The following NUDT3 variants were observed in gnomAD, a reference collection of about 807,000 sequenced individuals.
NUDT3 encodes the protein nudix hydrolase 3.
A neutral mutation model predicts 23.6 loss-of-function variants in NUDT3; 9 were observed. The ratio of observed to expected loss-of-function variants is 0.38; its 90% CI spans 0.23 to 0.66. The LOEUF is 0.66. NUDT3 is among the 30% of genes least tolerant of loss of function. The probability of loss-of-function intolerance (pLI) is 0.52; values close to 1 mark genes in which losing one functional copy is unlikely to be tolerated. For missense variants in NUDT3, 172 were observed against 218.5 expected, an observed-to-expected ratio of 0.79 and a Z score of 1.34; for synonymous variants, 86 against 82.6, an observed-to-expected ratio of 1.04 and a Z score of -0.22.
At chr6:34,348,310 A>C (rs1764411629) in intron 1 of NUDT3, among the ~76,000 whole-genome samples, 1 of 148,562 alleles carries the variant, frequency 6.7e-6, no homozygotes, top group Non-Finnish European at 1.5e-5. Flanking sequence ...CAACAACAGA[A>C]ACCGCCCCCC....
At chr6:34,300,201 G>A (rs1763579065) in intron 2 of NUDT3, among the ~76,000 whole-genome samples, 1 of 152,150 alleles carries the variant, frequency 6.6e-6, no homozygotes, top group Non-Finnish European at 1.5e-5. Flanking sequence ...CACTAATGTG[G>A]GTGATGGCCC....
chr6:34,283,096 C>T lies in NUDT3; in HGVS notation c.*5657G>A, dbSNP rs981427046. The T allele has an allele frequency of 1.3e-5, 2 of 152,082 alleles. No homozygotes were observed. Among genetic ancestry groups the T allele is most frequent in the Non-Finnish European group, 2.9e-5 (2 of 68,040 alleles). 9.4% of individuals were successfully genotyped at this position (152,082 alleles called of 1,614,324 possible). On this transcript the variant is annotated 3_prime_UTR_variant, in exon 5 of 5. Coordinates refer to ENST00000607016, the MANE Select transcript of NUDT3 (RefSeq NM_006703.4). ...CAAAGCTTCAGGGAAGAGACATAAC[C>T]TTACTTCAAAAGCTTCAGGTCAGAG...
chr6:34,340,470 T>G (rs1581875957), intron 2 of NUDT3, among the ~76,000 whole-genome samples: 1 of 152,342 alleles, frequency 6.6e-6, no homozygotes, highest in Middle Eastern at 3.4e-3. Context: ...CCAGGGTGTT[T>G]AAAGTTATTT....
chr6:34,295,114 T>A (rs916492914), intron 3 of NUDT3, among the ~76,000 whole-genome samples: 2 of 152,122 alleles, frequency 1.3e-5, no homozygotes, highest in African/African-American at 4.8e-5. Flanking sequence ...AGGAATGGGG[T>A]AAAATAATAT....
At chr6:34,377,938 A>G (rs976816417) in intron 1 of NUDT3, among the ~76,000 whole-genome samples, 4 of 152,144 alleles carry the variant, frequency 2.6e-5, no homozygotes, top group African/African-American at 9.7e-5. Context: ...GATTTGCTCT[A>G]ATTTGACTGA....
intron 1 of NUDT3, among the ~76,000 whole-genome samples, chr6:34,382,388 C>A (rs984949288): frequency 1.3e-5 from 2 of 152,020 alleles, no homozygotes; most frequent in Admixed American, 6.6e-5. Flanking sequence ...GGGTGGCAGA[C>A]CCAGACCCTG....
chr6:34,379,475 G>A (rs765571741), intron 1 of NUDT3, among the ~76,000 whole-genome samples: 28 of 151,750 alleles, frequency 1.8e-4, no homozygotes, highest in Non-Finnish European at 3.5e-4. Flanking sequence ...CAGGAGAATC[G>A]CTTGAACCTG....
chr6:34,374,676 G>A (rs775452648), intron 1 of NUDT3, among the ~76,000 whole-genome samples: 18 of 151,978 alleles, frequency 1.2e-4, no homozygotes, highest in Non-Finnish European at 2.5e-4. Context: ...TAAAGCATTC[G>A]GAGAGGGTTC....
At chr6:34,382,384 C>A (rs1302535924) in intron 1 of NUDT3, among the ~76,000 whole-genome samples, 1 of 152,174 alleles carries the variant, frequency 6.6e-6, no homozygotes, top group Non-Finnish European at 1.5e-5. Flanking sequence ...GCCTGGGTGG[C>A]AGACCCAGAC....
chr6:34,294,758 T>C (rs1391382677), intron 3 of NUDT3, among the ~76,000 whole-genome samples: 3 of 152,070 alleles, frequency 2.0e-5, no homozygotes, highest in African/African-American at 7.2e-5. Flanking sequence ...TACATATCTA[T>C]TTTTTCATCA....
At chr6:34,313,823 C>T (rs1209963801) in intron 2 of NUDT3, among the ~76,000 whole-genome samples, 1 of 152,030 alleles carries the variant, frequency 6.6e-6, no homozygotes, top group Admixed American at 6.5e-5. Context: ...TTAGGCCAAG[C>T]GCGGTGGCTC....
At chr6:34,380,889 G>A (rs1314872585) in intron 1 of NUDT3, among the ~76,000 whole-genome samples, 1 of 152,076 alleles carries the variant, frequency 6.6e-6, no homozygotes, top group Non-Finnish European at 1.5e-5. Flanking sequence ...ACCCATATTC[G>A]ACCAAGCTGT....
At chr6:34,330,279 G>GTTC (rs1261284537) in intron 2 of NUDT3, among the ~76,000 whole-genome samples, 1 of 152,108 alleles carries the variant, frequency 6.6e-6, no homozygotes, top group African/African-American at 2.4e-5. Flanking sequence ...GTGTAAAAGT[G>GTTC]TTCCTATTTC....
chr6:34,360,483 A>T (rs550345126), intron 1 of NUDT3, among the ~76,000 whole-genome samples: 1 of 152,282 alleles, frequency 6.6e-6, no homozygotes, highest in Admixed American at 6.5e-5. Flanking sequence ...CTGAGGCAGG[A>T]GAATCACTTG....
intron 2 of NUDT3, among the ~76,000 whole-genome samples, chr6:34,310,118 G>A (rs950720044): frequency 3.3e-5 from 5 of 152,002 alleles, no homozygotes; most frequent in South Asian, 2.1e-4. Flanking sequence ...ATGTAGTCTC[G>A]GCTACTCAGG....
intron 4 of NUDT3, 142 bp downstream of exon 4, chr6:34,293,309 G>T: frequency 2.2e-6 from 2 of 909,734 alleles, no homozygotes; most frequent in Non-Finnish European, 3.5e-6. Flanking sequence ...TGATCCTCCT[G>T]TGTTGGCCTT....
intron 1 of NUDT3, among the ~76,000 whole-genome samples, chr6:34,369,507 T>G (rs966759936): frequency 6.6e-6 from 1 of 152,164 alleles, no homozygotes; most frequent in East Asian, 1.9e-4. Context: ...ACGGCTGCTC[T>G]GATGAAGTCA....
chr6:34,384,698 G>A (rs764460482), intron 1 of NUDT3, among the ~76,000 whole-genome samples: 5 of 152,150 alleles, frequency 3.3e-5, no homozygotes, highest in Non-Finnish European at 5.9e-5. Context: ...TCCACACAGT[G>A]TATGATAAAG....
rs551928403 is a variant in NUDT3 at position 34,304,059 on chromosome 6, C to G, written c.211-8374G>C. On this transcript the variant is annotated intron_variant, in intron 2 of 4. Coordinates refer to ENST00000607016, the MANE Select transcript of NUDT3 (RefSeq NM_006703.4). ...CCAGAGGTCAGGAGTTCGAGAGTAG[C>G]CTGGCCAACATGGTGAAACCCCCAT... Among the ~76,000 whole-genome samples the G allele has an allele frequency of 9.2e-5, 14 of 152,092 alleles. No homozygotes were observed. The South Asian group carries it at 1.0e-3, about 11-fold the overall frequency.
Sources: gnomAD v4.1 joint callset for allele counts (sites outside exome capture counted in the v4.1 genomes callset) on GRCh38, gnomAD v4.1.1 for gene constraint, MANE v1.5 for transcripts, NCBI Gene and HGNC (gene_info 2026-07-23, HGNC 2026-07-21) for gene names.